Variants in PCDHGB5 observed in about 807,000 individuals in gnomAD.
The protein encoded by PCDHGB5 is protocadherin gamma-B5.
A neutral mutation model predicts 62.9 loss-of-function variants in PCDHGB5; 48 were observed. That is an observed-to-expected ratio of 0.76 (90% CI 0.61 to 0.97). The LOEUF is 0.97. Ranked by LOEUF, PCDHGB5 falls within the 50% of genes least tolerant of loss-of-function variation. PCDHGB5 has a pLI of 0.00. For missense variants in PCDHGB5, 1,118 were observed against 1,198.6 expected, an observed-to-expected ratio of 0.93 and a Z score of 0.99; for synonymous variants, 474 against 511.2, an observed-to-expected ratio of 0.93 and a Z score of 0.98.
chr5:141,471,893 T>G (rs1289667371), intron 1 of PCDHGB5, among the ~76,000 whole-genome samples: 1 of 152,166 alleles, frequency 6.6e-6, no homozygotes, highest in African/African-American at 2.4e-5. Flanking sequence ...CTAGGAAGAT[T>G]GACTACAGAC....
In PCDHGB5 at chr5:141,490,598, G is replaced by A. The variant is rs141484080; in HGVS notation, c.2398-4209G>A. On this transcript the variant is annotated intron_variant, in intron 1 of 3. Transcript: ENST00000617380. This position sits in a 1 kb window ranked among gnomAD's most constrained non-coding sequence, Gnocchi z 5.4. ...TCAGATGTCAATGACAATGCACCCC[G>A]CTTCAACCAGCAGCTTTACACTGCT... 309 of 1,614,062 alleles carry A rather than the reference G, an allele frequency of 1.9e-4. 2 individuals carry two copies. Among genetic ancestry groups the A allele is most frequent in the Admixed American group, 5.0e-4 (30 of 60,018 alleles).
In PCDHGB5 at chr5:141,431,814, T is replaced by C. The variant is rs1300319049; in HGVS notation, c.2397+31290T>C. 1 of 1,614,246 alleles carries C rather than the reference T, an allele frequency of 6.2e-7. No homozygotes were observed. Among genetic ancestry groups the C allele is most frequent in the Non-Finnish European group, 8.5e-7 (1 of 1,180,044 alleles). ...GCCCCAGAAGTGGTCCTCACCTCTC[T>C]CGCCAGCTCGGTTCCCGAAAACTCT... On this transcript the variant is annotated intron_variant, in intron 1 of 3. Coordinates refer to ENST00000617380, the MANE Select transcript of PCDHGB5 (RefSeq NM_018925.3). The surrounding 1 kb of genome is among the most constrained non-coding windows in gnomAD (Gnocchi z 4.8).
intron 1 of PCDHGB5, chr5:141,408,186 G>A (rs529140572): frequency 1.7e-4 from 266 of 1,542,242 alleles, no homozygotes; most frequent in Non-Finnish European, 2.2e-4. Flanking sequence ...GGGACCCAGC[G>A]AGAACCCGAG....
At chr5:141,499,570 A>C (rs1027373056) in intron 2 of PCDHGB5, among the ~76,000 whole-genome samples, 2 of 152,200 alleles carry the variant, frequency 1.3e-5, no homozygotes, top group Non-Finnish European at 2.9e-5. Flanking sequence ...TCCAGCTTCA[A>C]CTAATGCCTT....
At position 141,409,805 on chromosome 5, in the gene PCDHGB5, C is replaced by A. The variant is rs751397816; in HGVS notation, c.2397+9281C>A. On this transcript the variant is annotated intron_variant, in intron 1 of 3. Transcript: ENST00000617380. ...CGCCTTCGCGCTCACGCTGCAGGCC[C>A]GCGACCACGGCTCGCCCACGCTCAG... is the stretch of plus-strand genomic sequence containing the variant. 14 of 1,611,512 alleles carry A rather than the reference C, an allele frequency of 8.7e-6. No homozygotes were observed. Among genetic ancestry groups the A allele is most frequent in the Middle Eastern group, 1.6e-4 (1 of 6,072 alleles).
intron 1 of PCDHGB5, among the ~76,000 whole-genome samples, chr5:141,450,166 T>TCCCACCACACC (rs1046248061): frequency 2.0e-5 from 3 of 151,062 alleles, no homozygotes; most frequent in African/African-American, 7.3e-5. Flanking sequence ...GCCACCACAC[T>TCCCACCACACC]CCCACCACAC....
At chr5:141,422,789 T>A (rs776409955) in intron 1 of PCDHGB5, 16 of 1,614,158 alleles carry the variant, frequency 9.9e-6, no homozygotes, top group Non-Finnish European at 1.4e-5. Context: ...CTACAATCCT[T>A]CGACTATGAG....
At chr5:141,462,800 A>C (rs1039129881) in intron 1 of PCDHGB5, among the ~76,000 whole-genome samples, 2 of 152,128 alleles carry the variant, frequency 1.3e-5, no homozygotes, top group Non-Finnish European at 2.9e-5. Flanking sequence ...TTGCATGTCT[A>C]ATAATGTTTT....
chr5:141,491,612 G>A lies in PCDHGB5; in HGVS notation c.2398-3195G>A, dbSNP rs759955730. ...GACGGCAGTGACTTCACTTTTCTAAGACCCCTCAGCGTTCAGCAGCCCACA... is the reference window on the plus strand; with the variant it reads ...GACGGCAGTGACTTCACTTTTCTAAAACCCCTCAGCGTTCAGCAGCCCACA... On this transcript the variant is annotated intron_variant, in intron 1 of 3. Coordinates refer to ENST00000617380, the MANE Select transcript of PCDHGB5 (RefSeq NM_018925.3). The surrounding 1 kb of genome is among the most constrained non-coding windows in gnomAD (Gnocchi z 6.9). 6.2e-7 allele frequency: 1 copy of A among 1,613,906 alleles called. No individual in the cohort carries two copies. The highest frequency in any genetic ancestry group is 8.5e-7 in the Non-Finnish European group (1 of 1,180,026).
intron 1 of PCDHGB5, chr5:141,427,884 G>T (rs1346875505): frequency 5.1e-6 from 8 of 1,564,634 alleles, no homozygotes; most frequent in African/African-American, 2.7e-5. Flanking sequence ...GCAGGCCCAC[G>T]ACCAGGGCTC....
chr5:141,450,991 AT>A (rs1351194705), intron 1 of PCDHGB5, among the ~76,000 whole-genome samples: 2 of 150,700 alleles, frequency 1.3e-5, no homozygotes, highest in Non-Finnish European at 1.5e-5. Context: ...CACCCGGCTA[AT>A]TTTTTTGTAT....
intron 1 of PCDHGB5, among the ~76,000 whole-genome samples, chr5:141,454,266 C>T (rs2098785508): frequency 1.3e-5 from 2 of 152,132 alleles, no homozygotes; most frequent in African/African-American, 4.8e-5. Flanking sequence ...AAAGTAATGC[C>T]AGCAAAAACT....
Position 141,490,760 on chromosome 5 carries a change from T to G in PCDHGB5, c.2398-4047T>G. 1 of 1,614,070 alleles carries G rather than the reference T, an allele frequency of 6.2e-7. No individual in the cohort carries two copies. On this transcript the variant is annotated intron_variant, in intron 1 of 3. Coordinates refer to ENST00000617380, the MANE Select transcript of PCDHGB5 (RefSeq NM_018925.3). This position sits in a 1 kb window ranked among gnomAD's most constrained non-coding sequence, Gnocchi z 5.4. Reference sequence around the variant, plus strand: ...CAGGGAGCCCCAGCCTCCTCCTTTGTGTATGTCAACCCAGAGGATGGACGG... The same window carrying G: ...CAGGGAGCCCCAGCCTCCTCCTTTGGGTATGTCAACCCAGAGGATGGACGG...
At chr5:141,481,913 C>CAAAAA (rs34114744) in intron 1 of PCDHGB5, among the ~76,000 whole-genome samples, 2 of 90,852 alleles carry the variant, frequency 2.2e-5, no homozygotes, top group Non-Finnish European at 4.4e-5. Flanking sequence ...AACTCCATCT[C>CAAAAA]AAAAAAAAAA....
chr5:141,487,811 A>T lies in PCDHGB5; in HGVS notation c.2398-6996A>T, dbSNP rs1389081995. 2.1e-6 allele frequency: 3 copies of T among 1,414,662 alleles called. No homozygotes were observed. In the African/African-American group the frequency reaches 4.3e-5, roughly 20 times the overall value. 87.6% of individuals were successfully genotyped at this position (1,414,662 alleles called of 1,614,324 possible). A position where few individuals can be genotyped will look rare whatever the true frequency, so the allele number is the denominator to read the frequency against. ...TTAACCAGAGTTGTCACAGTTTAGCATTGGGGGCGGGTCATGCCTATATCT... is the reference window on the plus strand; with the variant it reads ...TTAACCAGAGTTGTCACAGTTTAGCTTTGGGGGCGGGTCATGCCTATATCT... On this transcript the variant is annotated intron_variant, in intron 1 of 3. Transcript: ENST00000617380. The surrounding 1 kb of genome is among the most constrained non-coding windows in gnomAD (Gnocchi z 5.0).
intron 1 of PCDHGB5, chr5:141,478,287 G>A (rs777542913): frequency 3.7e-6 from 6 of 1,614,154 alleles, no homozygotes; most frequent in Non-Finnish European, 5.1e-6. Flanking sequence ...AAGCAGTCTA[G>A]AGACCTATAC....
At chr5:141,452,354 G>C (rs2154563893) in intron 1 of PCDHGB5, among the ~76,000 whole-genome samples, 1 of 152,240 alleles carries the variant, frequency 6.6e-6, no homozygotes, top group Non-Finnish European at 1.5e-5. Flanking sequence ...TTATCCAAAA[G>C]CCTTGCTTCA....
At position 141,431,790 on chromosome 5, in the gene PCDHGB5, C is replaced by G; in HGVS notation, c.2397+31266C>G. ...ACTGTTCTGGACGTGAACGACAATG[C>G]CCCAGAAGTGGTCCTCACCTCTCTC... On this transcript the variant is annotated intron_variant, in intron 1 of 3. Coordinates refer to ENST00000617380, the MANE Select transcript of PCDHGB5 (RefSeq NM_018925.3). The surrounding 1 kb of genome is among the most constrained non-coding windows in gnomAD (Gnocchi z 4.8). 1 of 1,614,186 alleles carries G rather than the reference C, an allele frequency of 6.2e-7. No homozygotes were observed. Among genetic ancestry groups the G allele is most frequent in the Non-Finnish European group, 8.5e-7 (1 of 1,180,016 alleles).
rs1025148587 is a variant in PCDHGB5, at chr5:141,431,434, C to T, written c.2397+30910C>T. ...GGGGCGACCCGGTGCGCACAGGCAC[C>T]GCGCGCATCCGCGTGATGGTTCTGG... On this transcript the variant is annotated intron_variant, in intron 1 of 3. Transcript: ENST00000617380. This position sits in a 1 kb window ranked among gnomAD's most constrained non-coding sequence, Gnocchi z 4.8. The T allele has an allele frequency of 6.2e-7, 1 of 1,613,690 alleles. No homozygotes were observed. The highest frequency in any genetic ancestry group is 1.3e-5 in the African/African-American group (1 of 75,072).
Sources: gnomAD v4.1 joint callset for allele counts (sites outside exome capture counted in the v4.1 genomes callset) on GRCh38, gnomAD v4.1.1 for gene constraint, Gnocchi (gnomAD v3.1) non-coding constraint, MANE v1.5 for transcripts, NCBI Gene and HGNC (gene_info 2026-07-23, HGNC 2026-07-21) for gene names.